The following GAL3ST3 variants were observed in gnomAD, a reference collection of about 807,000 sequenced individuals.
GAL3ST3 encodes the protein beta-galactose-3-O-sulfotransferase 3.
Under a neutral mutation model 20.8 loss-of-function variants are expected in GAL3ST3, and 21 were observed. That is an observed-to-expected ratio of 1.01 (90% CI 0.72 to 1.45). GAL3ST3 has a LOEUF of 1.45. Ranked by LOEUF, GAL3ST3 falls within the 40% of genes most tolerant of loss-of-function variation. The probability of loss-of-function intolerance (pLI) is 0.00; values close to 1 mark genes in which losing one functional copy is unlikely to be tolerated. For synonymous variants in GAL3ST3, 355 were observed against 307.2 expected, an observed-to-expected ratio of 1.16 and a Z score of -1.63; for missense variants, 739 against 662.7, an observed-to-expected ratio of 1.12 and a Z score of -1.26.
Position 66,042,576 on chromosome 11 carries a change from GGGCCGAGCCCGCGC to G in GAL3ST3, c.1213_1226del (p.Ala405ArgfsTer73). ...GCGGGGGATTGTCCAGGACGGGCTC[GGGCCGAGCCCGCGC>G]ACCGCCCCGGCGCTTCTGCTTGCGC... On this transcript the variant is annotated frameshift_variant, in exon 3 of 3. Coordinates refer to ENST00000312006, the MANE Select transcript of GAL3ST3 (RefSeq NM_033036.3). LOFTEE classifies it high-confidence loss of function. The G allele has an allele frequency of 6.5e-7, 1 of 1,534,934 alleles. No homozygotes were observed. The highest frequency in any genetic ancestry group is 8.7e-7 in the Non-Finnish European group (1 of 1,147,132).
rs370119392 is a variant in GAL3ST3, at chr11:66,043,579, G to A, written c.224C>T (p.Ala75Val). The A allele has an allele frequency of 6.2e-7, 1 of 1,612,438 alleles. No individual in the cohort carries two copies. Among genetic ancestry groups the A allele is most frequent in the Non-Finnish European group, 8.5e-7 (1 of 1,179,916 alleles). ...TVAFLKTHKTAGTTVQNILFR... is the reference protein window; with the variant it reads ...TVAFLKTHKTVGTTVQNILFR... ...CAGGATGTTCTGCACCGTCGTGCCT[G>A]CCGTCTTGTGAGTCTTCAGGAAGGC... is the stretch of plus-strand genomic sequence containing the variant. Residue 75 changes from alanine (A) to valine (V), a missense_variant, in exon 3 of 3, where the codon GCA (alanine) becomes GTA (valine). By Grantham distance (64) the Ala-to-Val change is moderately conservative. Coordinates refer to ENST00000312006, the MANE Select transcript of GAL3ST3 (RefSeq NM_033036.3).
chr11:66,047,636 C>T (rs1277451092), intron 1 of GAL3ST3, among the ~76,000 whole-genome samples: 1 of 152,232 alleles, frequency 6.6e-6, no homozygotes, highest in Non-Finnish European at 1.5e-5. Flanking sequence ...TGTATGGCCA[C>T]TGTCAATGAC....
rs775410879 is a variant in GAL3ST3, at chr11:66,043,347, G to T, written c.456C>A (p.Arg152=). The change falls in exon 3 of 3, where the codon CGC becomes CGA. Residue 152 remains arginine, a synonymous_variant. Transcript: ENST00000312006. ...PPSTVYVTIL[R]EPAAMFESLF... is the part of the protein sequence containing the mutation. ...GCGACTCGAACATGGCGGCCGGCTC[G>T]CGCAGGATGGTGACATAGACGGTGC... 1 of 1,609,798 alleles carries T rather than the reference G, an allele frequency of 6.2e-7. No homozygotes were observed. The highest frequency in any genetic ancestry group is 8.5e-7 in the Non-Finnish European group (1 of 1,178,466).
At position 66,045,266 on chromosome 11, in the gene GAL3ST3, CCCCCCTGGGGCCCCG is replaced by C. The variant is rs1420941128; in HGVS notation, c.125+10_125+24del. On this transcript the variant is annotated intron_variant, in intron 2 of 2. Transcript: ENST00000312006. The stretch of plus-strand genomic sequence containing the variant: ...GGAAGAATGGGGAGGGGAGCTCCGG[CCCCCCTGGGGCCCCG>C]CCCCCTTACCAGCTGAGCTGCGCCC... 2 of 1,495,498 alleles carry C rather than the reference CCCCCCTGGGGCCCCG, an allele frequency of 1.3e-6. No homozygotes were observed. The highest frequency in any genetic ancestry group is 4.7e-5 in the Admixed American group (2 of 42,790). The allele number at this position is 1,495,498 out of a possible 1,614,324, so 92.6% of individuals were successfully genotyped here.
chr11:66,046,509 G>A (rs1172960392), intron 1 of GAL3ST3, among the ~76,000 whole-genome samples: 1 of 152,194 alleles, frequency 6.6e-6, no homozygotes, highest in African/African-American at 2.4e-5. Flanking sequence ...GGCGGGGTGT[G>A]GGTTGGGTAA....
At chr11:66,043,805 G>A (rs1244579185) in intron 2 of GAL3ST3, 128 bp from the exon 3 acceptor site, 3 of 792,424 alleles carry the variant, frequency 3.8e-6, no homozygotes, top group African/African-American at 1.7e-5. Context: ...TGGAAAGGTC[G>A]AGGGCGGTGC....
intron 1 of GAL3ST3, among the ~76,000 whole-genome samples, chr11:66,047,050 C>G (rs1856790180): frequency 6.6e-6 from 1 of 152,192 alleles, no homozygotes; most frequent in South Asian, 2.1e-4. Context: ...TGCCTGCAGA[C>G]AGACTTAATC....
In GAL3ST3 at chr11:66,041,216, C is replaced by T. The variant is rs572879293; in HGVS notation, c.*1291G>A. 2.0e-5 allele frequency among the ~76,000 whole-genome samples: 3 copies of T among 152,280 alleles called. No homozygotes were observed. Among genetic ancestry groups the T allele is most frequent in the Admixed American group, 6.5e-5 (1 of 15,294 alleles). On this transcript the variant is annotated 3_prime_UTR_variant, in exon 3 of 3. Coordinates refer to ENST00000312006, the MANE Select transcript of GAL3ST3 (RefSeq NM_033036.3). ...AGTTTCAGTTCCCTCACCTGGAAAACGGCACCCATCTCCAAAGTTAACATA... is the reference window on the plus strand; with the variant it reads ...AGTTTCAGTTCCCTCACCTGGAAAATGGCACCCATCTCCAAAGTTAACATA...
chr11:66,047,897 G>C (rs1003776162), intron 1 of GAL3ST3, among the ~76,000 whole-genome samples: 1 of 152,186 alleles, frequency 6.6e-6, no homozygotes, highest in Non-Finnish European at 1.5e-5. Context: ...ACTCGGCCAG[G>C]CTAAACATTC....
chr11:66,045,148 A>G, intron 2 of GAL3ST3, 143 bp downstream of exon 2: 1 of 606,412 alleles, frequency 1.6e-6, no homozygotes, highest in East Asian at 3.4e-5. Flanking sequence ...ATTGAAGAGC[A>G]GTCCCTGTCC....
intron 1 of GAL3ST3, among the ~76,000 whole-genome samples, chr11:66,045,852 C>T (rs1203319273): frequency 6.6e-6 from 1 of 152,178 alleles, no homozygotes; most frequent in Non-Finnish European, 1.5e-5. Flanking sequence ...GTGGCTTTAG[C>T]GCCAGGGCTT....
Position 66,049,023 on chromosome 11 carries a change from G to C in GAL3ST3, c.-125C>G, listed in dbSNP as rs1856810543. On this transcript the variant is annotated 5_prime_UTR_variant, in exon 1 of 3. Transcript: ENST00000312006. ...CTGCAGTACTCACACCGCACGCCTG[G>C]GCTCTGCCTCTGGCCCGGGTTGGGG... 1 of 152,444 alleles carries C rather than the reference G, an allele frequency of 6.6e-6. No homozygotes were observed. Among genetic ancestry groups the C allele is most frequent in the Non-Finnish European group, 1.5e-5 (1 of 68,332 alleles). 9.4% of individuals were successfully genotyped at this position (152,444 alleles called of 1,614,324 possible).
chr11:66,042,517 T>G lies in GAL3ST3; in HGVS notation c.1286A>C (p.Gln429Pro). ...RPIRVLPRGP[Q>P]GP ...GGAGGCCTGCGGAGCTCAGGGACCT[T>G]GAGGGCCGCGAGGCAGCACTCGGAT... The change falls in exon 3 of 3, where the codon CAA becomes CCA. Residue 429 changes from glutamine to proline, a missense_variant. Physicochemically the swap from Gln to Pro is moderately conservative, Grantham distance 76. Coordinates refer to ENST00000312006, the MANE Select transcript of GAL3ST3 (RefSeq NM_033036.3). 2 of 1,482,720 alleles carry G rather than the reference T, an allele frequency of 1.3e-6. No individual in the cohort carries two copies. The highest frequency in any genetic ancestry group is 1.8e-6 in the Non-Finnish European group (2 of 1,123,922). 91.8% of individuals were successfully genotyped at this position (1,482,720 alleles called of 1,614,324 possible). A position where few individuals can be genotyped will look rare whatever the true frequency, so the allele number is the denominator to read the frequency against.
At position 66,045,294 on chromosome 11, in the gene GAL3ST3, C is replaced by A. The variant is rs1856769989; in HGVS notation, c.122G>T (p.Ser41Ile). 5 of 1,569,352 alleles carry A rather than the reference C, an allele frequency of 3.2e-6. No individual in the cohort carries two copies. The African/African-American group carries it at 5.5e-5, about 17-fold the overall frequency. ...CCCTGGGGCCCCGCCCCCTTACCAG[C>A]TGAGCTGCGCCCCCTGGTGGATGAG... ...SLLIHQGAQL[S>I]WYPKLFPLSC... is the part of the protein sequence containing the mutation. The change falls in exon 2 of 3, where the codon AGC becomes ATC. Residue 41 changes from serine (S) to isoleucine (I), a missense_variant. Transcript: ENST00000312006.
intron 2 of GAL3ST3, among the ~76,000 whole-genome samples, chr11:66,044,342 A>G (rs191995258): frequency 2.6e-5 from 4 of 152,322 alleles, no homozygotes; most frequent in African/African-American, 9.6e-5. Flanking sequence ...CTTTAAGATA[A>G]TTTGTTTATG....
At position 66,043,484 on chromosome 11, in the gene GAL3ST3, A is replaced by G; in HGVS notation, c.319T>C (p.Tyr107His). ...PHPSCEHQFC[Y>H]PRNFSAHFVH... The stretch of plus-strand genomic sequence containing the variant: ...AAGTGCGCCGAGAAGTTGCGGGGGT[A>G]GCAGAACTGGTGCTCGCAGCTCGGG... Residue 107 changes from tyrosine (Y) to histidine (H), a missense_variant, in exon 3 of 3, where the codon TAC becomes CAC. Coordinates refer to ENST00000312006, the MANE Select transcript of GAL3ST3 (RefSeq NM_033036.3). 6.2e-7 allele frequency: 1 copy of G among 1,610,448 alleles called. No individual in the cohort carries two copies. The highest frequency in any genetic ancestry group is 8.5e-7 in the Non-Finnish European group (1 of 1,179,190).
rs1856724805 is a variant in GAL3ST3, at chr11:66,042,829, C to CT, written c.973_974insA (p.Arg325GlnfsTer44). 1.5e-6 allele frequency: 2 copies of CT among 1,370,196 alleles called. No homozygotes were observed. Among genetic ancestry groups the CT allele is most frequent in the African/African-American group, 1.6e-5 (1 of 63,836 alleles). The allele number at this position is 1,370,196 out of a possible 1,614,324, so 84.9% of individuals were successfully genotyped here. ...CCGCAGTAGGCGCTGGCGGGCCTCG[C>CT]GCAGCTCGCGCGCCTCGCGCTCCAC... On this transcript the variant is annotated frameshift_variant, in exon 3 of 3. Coordinates refer to ENST00000312006, the MANE Select transcript of GAL3ST3 (RefSeq NM_033036.3). LOFTEE classifies it high-confidence loss of function.
At chr11:66,046,807 G>C (rs922854862) in intron 1 of GAL3ST3, among the ~76,000 whole-genome samples, 1 of 152,198 alleles carries the variant, frequency 6.6e-6, no homozygotes, top group Non-Finnish European at 1.5e-5. Flanking sequence ...GGGGAGCCTG[G>C]AACCTGATGG....
rs1262635624 is a variant in GAL3ST3 at position 66,041,459 on chromosome 11, T to C, written c.*1048A>G. Reference sequence around the variant, plus strand: ...CTGGTCTTCATCTGAGTCCAAGTTGTCTTCTTGTGAGGAAAGCAGGCCATT... The same window carrying C: ...CTGGTCTTCATCTGAGTCCAAGTTGCCTTCTTGTGAGGAAAGCAGGCCATT... On this transcript the variant is annotated 3_prime_UTR_variant, in exon 3 of 3. Coordinates refer to ENST00000312006, the MANE Select transcript of GAL3ST3 (RefSeq NM_033036.3). Among the ~76,000 whole-genome samples, 1 of 152,226 alleles carries C rather than the reference T, an allele frequency of 6.6e-6. No individual in the cohort carries two copies. The highest frequency in any genetic ancestry group is 1.5e-5 in the Non-Finnish European group (1 of 68,040).
Sources: gnomAD v4.1 joint callset for allele counts (sites outside exome capture counted in the v4.1 genomes callset) on GRCh38, gnomAD v4.1.1 for gene constraint, MANE v1.5 for transcripts, NCBI Gene and HGNC (gene_info 2026-07-23, HGNC 2026-07-21) for gene names.